The following ACSF3 variants were observed in gnomAD, a reference collection of about 807,000 sequenced individuals.
ACSF3 encodes acyl-CoA synthetase family member 3.
In ACSF3, 78 loss-of-function variants were observed where a neutral mutation model predicts 53.2. The ratio of observed to expected loss-of-function variants is 1.47; its 90% CI spans 1.22 to 1.77. The LOEUF is 1.77. ACSF3 is among the 40% of genes most tolerant of loss of function. The probability of loss-of-function intolerance (pLI) is 0.00; values close to 1 mark genes in which losing one functional copy is unlikely to be tolerated. For missense variants in ACSF3, 937 were observed against 771.1 expected (o/e 1.22, Z -2.55); for synonymous variants, 414 against 333.1 (o/e 1.24, Z -2.65).
chr16:89,115,493 C>T (rs1231040546), intron 6 of ACSF3, among the ~76,000 whole-genome samples: 1 of 152,244 alleles, frequency 6.6e-6, no homozygotes, highest in Non-Finnish European at 1.5e-5. Flanking sequence ...GCGTCAGAGC[C>T]CGCGCCTTTC....
At chr16:89,141,462 G>C (rs1256506160) in intron 8 of ACSF3, among the ~76,000 whole-genome samples, 137 of 152,242 alleles carry the variant, frequency 9.0e-4, no homozygotes, top group Non-Finnish European at 1.6e-4. Flanking sequence ...ACAAGACACT[G>C]GCCAGAGGAG....
chr16:89,125,428 C>T (rs778911105), intron 7 of ACSF3, among the ~76,000 whole-genome samples: 19 of 151,862 alleles, frequency 1.3e-4, no homozygotes, highest in Admixed American at 3.9e-4. Flanking sequence ...TGTAGTGGCT[C>T]ATGCCTGTAT....
intron 8 of ACSF3, among the ~76,000 whole-genome samples, chr16:89,143,123 A>G (rs1912191130): frequency 6.6e-6 from 1 of 152,202 alleles, no homozygotes; most frequent in South Asian, 2.1e-4. Context: ...AATAACACAC[A>G]GGGGTTCCTT....
Position 89,101,460 on chromosome 16 carries a change from T to A in ACSF3, c.666+113T>A. 4 of 1,533,318 alleles carry A rather than the reference T, an allele frequency of 2.6e-6. No individual in the cohort carries two copies. The South Asian group carries it at 4.9e-5, about 19-fold the overall frequency. 95.0% of individuals were successfully genotyped at this position (1,533,318 alleles called of 1,614,324 possible). A position where few individuals can be genotyped will look rare whatever the true frequency, so the allele number is the denominator to read the frequency against. ...TTTTCTGTGGAGTCATTCACAGTTG[T>A]CACCATCCTGCAGACCCGTGTGAGA... On this transcript the variant is annotated intron_variant, in intron 3 of 10. Coordinates refer to ENST00000614302, the MANE Select transcript of ACSF3 (RefSeq NM_001243279.3).
At chr16:89,114,520 C>T (rs879033208) in intron 6 of ACSF3, 33 bp downstream of exon 6, 1 of 1,607,382 alleles carries the variant, frequency 6.2e-7, no homozygotes, top group African/African-American at 1.3e-5. Flanking sequence ...CGTTCCTCTT[C>T]CACTGTGCTC....
At position 89,120,594 on chromosome 16, in the gene ACSF3, C is replaced by T. The variant is rs1472182592; in HGVS notation, c.1127-207C>T. ...TGGCATCGGCTGGGCCTGAGCACAC[C>T]GTGCTTGCCAGCCACGTATCGTGTG... On this transcript the variant is annotated intron_variant, in intron 6 of 10. Coordinates refer to ENST00000614302, the MANE Select transcript of ACSF3 (RefSeq NM_001243279.3). Among the ~76,000 whole-genome samples the T allele has an allele frequency of 2.6e-5, 4 of 152,362 alleles. No homozygotes were observed. The South Asian group carries it at 6.2e-4, about 24-fold the overall frequency.
intron 8 of ACSF3, chr16:89,136,468 C>T: frequency 8.3e-7 from 1 of 1,198,328 alleles, no homozygotes; most frequent in Non-Finnish European, 1.1e-6. Flanking sequence ...CTGCAATCAG[C>T]TCACAGCTGC....
intron 4 of ACSF3, among the ~76,000 whole-genome samples, chr16:89,108,861 A>C (rs1416123167): frequency 6.6e-6 from 1 of 152,178 alleles, no homozygotes; most frequent in Non-Finnish European, 1.5e-5. Flanking sequence ...ATCTCTGTAG[A>C]CATTCATTCA....
At chr16:89,150,873 C>A in intron 10 of ACSF3, 1 of 772,200 alleles carries the variant, frequency 1.3e-6, no homozygotes, top group Non-Finnish European at 1.8e-6. Flanking sequence ...GTCCATTCAC[C>A]ATGAAAGAAA....
chr16:89,142,594 G>C (rs184225921), intron 8 of ACSF3, among the ~76,000 whole-genome samples: 24 of 121,684 alleles, frequency 2.0e-4, no homozygotes, highest in Admixed American at 7.4e-4. Flanking sequence ...CAGAGACACA[G>C]CCACACCTGC....
chr16:89,122,619 C>G, intron 7 of ACSF3: 1 of 228,270 alleles, frequency 4.4e-6, no homozygotes, highest in African/African-American at 2.3e-5. Context: ...ACCATCTAGT[C>G]AGAAATGTCC....
At chr16:89,104,855 C>T (rs542236452) in intron 4 of ACSF3, among the ~76,000 whole-genome samples, 57 of 152,376 alleles carry the variant, frequency 3.7e-4, no homozygotes, top group South Asian at 8.3e-4. Context: ...TGTAGAACAG[C>T]TTTGTACGAG....
At chr16:89,125,209 A>T (rs1346851365) in intron 7 of ACSF3, among the ~76,000 whole-genome samples, 2 of 151,990 alleles carry the variant, frequency 1.3e-5, no homozygotes, top group East Asian at 1.9e-4. Context: ...CAGGCATGGT[A>T]GTGGGTGCCT....
chr16:89,135,044 G>A (rs975388213), intron 8 of ACSF3, among the ~76,000 whole-genome samples: 1 of 150,898 alleles, frequency 6.6e-6, no homozygotes, highest in Non-Finnish European at 1.5e-5. Flanking sequence ...CCTGGGTGGT[G>A]AGATTGCGGT....
chr16:89,132,408 C>T (rs1480055540), intron 7 of ACSF3, among the ~76,000 whole-genome samples: 5 of 152,220 alleles, frequency 3.3e-5, no homozygotes, highest in Admixed American at 6.5e-5. Flanking sequence ...CCACCGTGTC[C>T]AGGGCCTCCC....
intron 4 of ACSF3, among the ~76,000 whole-genome samples, chr16:89,106,677 C>G (rs11648364): frequency 0.13 from 19,532 of 152,238 alleles, 1,902 homozygotes; most frequent in Admixed American, 0.31. Context: ...CAGGGTTTTC[C>G]AACTTTAGGA....
intron 6 of ACSF3, 133 bp from the exon 7 acceptor site, chr16:89,120,668 C>T: frequency 2.4e-6 from 2 of 842,064 alleles, no homozygotes; most frequent in Admixed American, 1.7e-5. Context: ...GGTCACAGGG[C>T]ACGTCGCTCC....
At chr16:89,108,950 TG>T (rs1344864409) in intron 4 of ACSF3, among the ~76,000 whole-genome samples, 2 of 152,140 alleles carry the variant, frequency 1.3e-5, no homozygotes, top group Non-Finnish European at 2.9e-5. Context: ...ACTGTCAAAC[TG>T]GCCGGGCACG....
In ACSF3 at chr16:89,154,843, A is replaced by C; in HGVS notation, c.*636A>C. 2 of 454,130 alleles carry C rather than the reference A, an allele frequency of 4.4e-6. No homozygotes were observed. Among genetic ancestry groups the C allele is most frequent in the Non-Finnish European group, 8.8e-6 (2 of 226,788 alleles). 28.1% of individuals were successfully genotyped at this position (454,130 alleles called of 1,614,324 possible). ...TGTGTCCATCAGCATGTGTCACAGA[A>C]AGTGCGTGGACGGATGGCCCCGGAG... On this transcript the variant is annotated 3_prime_UTR_variant, in exon 11 of 11. Transcript: ENST00000614302.
Sources: gnomAD v4.1 joint callset for allele counts (sites outside exome capture counted in the v4.1 genomes callset) on GRCh38, gnomAD v4.1.1 for gene constraint, MANE v1.5 for transcripts, NCBI Gene and HGNC (gene_info 2026-07-23, HGNC 2026-07-21) for gene names.